IFI27L2: variants seen among roughly 807,000 people sequenced by gnomAD.
IFI27L2 encodes interferon alpha inducible protein 27 like 2, also known as interferon alpha-inducible protein 27-like protein 2.
A neutral mutation model predicts 7.9 loss-of-function variants in IFI27L2; 8 were observed. That is an observed-to-expected ratio of 1.02 (90% CI 0.60 to 1.84). The LOEUF is 1.84. Ranked by LOEUF, IFI27L2 falls within the 40% of genes most tolerant of loss-of-function variation. IFI27L2 has a pLI of 0.00. For missense variants in IFI27L2, 190 were observed against 165.8 expected (o/e 1.15, Z -0.80); for synonymous variants, 56 against 66.5 (o/e 0.84, Z 0.77).
intron 3 of IFI27L2, 69 bp downstream of exon 3, chr14:94,128,445 G>T: frequency 6.9e-7 from 1 of 1,451,908 alleles, no homozygotes. Context: ...GGTGAGAAGA[G>T]CTTCCCTCGG....
rs1887647413 is a variant in IFI27L2, at chr14:94,129,542, G to A, written c.7+16C>T. The A allele has an allele frequency of 6.2e-7, 1 of 1,613,194 alleles. No homozygotes were observed. ...CCCAGCCCAGCCCGCCAGCCCCCTG[G>A]GGAAGCAAGACTCACTCATCATGGT... On this transcript the variant is annotated intron_variant, in intron 1 of 3. Coordinates refer to ENST00000238609, the MANE Select transcript of IFI27L2 (RefSeq NM_032036.3).
chr14:94,128,701 A>G, intron 2 of IFI27L2, 26 bp from the exon 3 acceptor site: 1 of 1,593,440 alleles, frequency 6.3e-7, no homozygotes, highest in Non-Finnish European at 8.6e-7. Flanking sequence ...AGCTGAGTGC[A>G]GAGGTGGGCT....
intron 1 of IFI27L2, 48 bp downstream of exon 1, chr14:94,129,510 G>A (rs763498014): frequency 1.3e-6 from 2 of 1,582,666 alleles, no homozygotes; most frequent in Non-Finnish European, 8.7e-7. Flanking sequence ...GGTTGGGGAA[G>A]CCTGCCCCCA....
Position 94,127,799 on chromosome 14 carries a change from T to C in IFI27L2, c.393A>G (p.Ter131=), listed in dbSNP as rs1299373346. 6.2e-7 allele frequency: 1 copy of C among 1,612,440 alleles called. No homozygotes were observed. Among genetic ancestry groups the C allele is most frequent in the Non-Finnish European group, 8.5e-7 (1 of 1,178,548 alleles). The change falls in exon 4 of 4, where the codon TAA becomes TAG. Residue 131 remains the stop codon, a stop_retained_variant. Transcript: ENST00000238609. ...AGGGAGATGCATCTGCATGTGACCT[T>C]TATTCCTCATGTTTCTCTGACTTGA... ...PPLKSEKHEE[*] is the part of the protein sequence containing the mutation.
intron 2 of IFI27L2, 49 bp from the exon 3 acceptor site, chr14:94,128,724 C>G: frequency 6.7e-7 from 1 of 1,495,290 alleles, no homozygotes; most frequent in East Asian, 2.4e-5. Context: ...GGAGAAGGGA[C>G]CCTTCCCCCC....
At chr14:94,129,374 G>T in intron 1 of IFI27L2, 83 bp from the exon 2 acceptor site, 1 of 1,134,312 alleles carries the variant, frequency 8.8e-7, no homozygotes, top group South Asian at 1.3e-5. Context: ...GGGAGGGAGG[G>T]GGAGGGAAGC....
chr14:94,129,333 A>T (rs774867354), intron 1 of IFI27L2, 42 bp from the exon 2 acceptor site: 7 of 1,109,972 alleles, frequency 6.3e-6, no homozygotes, highest in South Asian at 2.4e-5. Flanking sequence ...GAGATGGGAA[A>T]GGGGAGAAAG....
chr14:94,129,554 T>C lies in IFI27L2; in HGVS notation c.7+4A>G. Reference sequence around the variant, plus strand: ...CGCCAGCCCCCTGGGGAAGCAAGACTCACTCATCATGGTGAGGCCGTCCGG... The same window carrying C: ...CGCCAGCCCCCTGGGGAAGCAAGACCCACTCATCATGGTGAGGCCGTCCGG... On this transcript the variant is annotated splice_donor_region_variant and intron_variant, in intron 1 of 3. Transcript: ENST00000238609. 1 of 1,613,326 alleles carries C rather than the reference T, an allele frequency of 6.2e-7. No individual in the cohort carries two copies. The highest frequency in any genetic ancestry group is 8.5e-7 in the Non-Finnish European group (1 of 1,179,596).
intron 1 of IFI27L2, 27 bp downstream of exon 1, chr14:94,129,531 C>T: frequency 6.2e-7 from 1 of 1,611,600 alleles, no homozygotes; most frequent in Non-Finnish European, 8.5e-7. Flanking sequence ...GCCCAGCCCG[C>T]CAGCCCCCTG....
At chr14:94,128,442 A>C in intron 3 of IFI27L2, 72 bp downstream of exon 3, 2 of 1,429,322 alleles carry the variant, frequency 1.4e-6, no homozygotes, top group Non-Finnish European at 2.0e-6. Context: ...CAGGGTGAGA[A>C]GAGCTTCCCT....
At chr14:94,129,168 G>T in intron 2 of IFI27L2, 94 bp downstream of exon 2, 1 of 984,926 alleles carries the variant, frequency 1.0e-6, no homozygotes, top group Non-Finnish European at 1.6e-6. Flanking sequence ...AGTGGAGGGT[G>T]AGAGCCAGCC....
chr14:94,129,215 G>A (rs1205006246), intron 2 of IFI27L2, 47 bp downstream of exon 2: 5 of 1,515,430 alleles, frequency 3.3e-6, no homozygotes, highest in Admixed American at 3.5e-5. Context: ...GCAGCCCGGG[G>A]ACCAGGCTAG....
intron 1 of IFI27L2, 113 bp downstream of exon 1, chr14:94,129,445 C>CA: frequency 8.5e-7 from 1 of 1,181,660 alleles, no homozygotes; most frequent in South Asian, 1.2e-5. Flanking sequence ...GTCAGTAGGT[C>CA]AGCTGGTTGA....
In IFI27L2 at chr14:94,127,912, G is replaced by A. The variant is rs764957361; in HGVS notation, c.280C>T (p.Pro94Ser). 6.2e-7 allele frequency: 1 copy of A among 1,613,568 alleles called. No individual in the cohort carries two copies. The highest frequency in any genetic ancestry group is 2.2e-5 in the East Asian group (1 of 44,862). ...SVLGACLGNS[P>S]SSSLPAEPEA... is the part of the protein sequence containing the mutation. Reference sequence around the variant, plus strand: ...GGTTCAGCTGGGAGAGAAGAAGAAGGTGAATTCCCCAAGCAGGCCCCCAAC... The same window carrying A: ...GGTTCAGCTGGGAGAGAAGAAGAAGATGAATTCCCCAAGCAGGCCCCCAAC... Residue 94 changes from proline to serine, a missense_variant, in exon 4 of 4, where the codon CCT becomes TCT. Transcript: ENST00000238609.
intron 3 of IFI27L2, chr14:94,128,298 G>T (rs1887621773): frequency 8.3e-6 from 5 of 602,044 alleles, no homozygotes; most frequent in East Asian, 8.3e-5. Context: ...CTTGGCCTAG[G>T]TTCCTTTCCT....
chr14:94,128,981 GCATAAA>G, intron 2 of IFI27L2: 1 of 564,558 alleles, frequency 1.8e-6, no homozygotes, highest in South Asian at 2.3e-5. Flanking sequence ...GTGTGTCCAC[GCATAAA>G]TGTGAAATAA....
intron 1 of IFI27L2, 25 bp from the exon 2 acceptor site, chr14:94,129,316 G>T (rs1887642814): frequency 1.9e-6 from 3 of 1,605,780 alleles, no homozygotes; most frequent in African/African-American, 2.7e-5. Flanking sequence ...CCAGGGGAAG[G>T]CAGAGGGAGA....
chr14:94,127,863 C>G lies in IFI27L2; in HGVS notation c.329G>C (p.Arg110Thr). The G allele has an allele frequency of 6.2e-7, 1 of 1,614,146 alleles. No individual in the cohort carries two copies. The highest frequency in any genetic ancestry group is 1.1e-5 in the South Asian group (1 of 91,074). Reference sequence around the variant, plus strand: ...AGGTTCACCTTGGGGTACATTTTCTCTTGCCTCATCTTCTTTAGCCTCGGG... The same window carrying G: ...AGGTTCACCTTGGGGTACATTTTCTGTTGCCTCATCTTCTTTAGCCTCGGG... The part of the protein sequence containing the change: ...AEPEAKEDEA[R>T]ENVPQGEPPK... Residue 110 changes from arginine (R) to threonine (T), a missense_variant, in exon 4 of 4, where the codon AGA becomes ACA. By Grantham distance (71) the Arg-to-Thr change is moderately conservative. Transcript: ENST00000238609.
At chr14:94,128,745 T>A (rs1470922524) in intron 2 of IFI27L2, 70 bp from the exon 3 acceptor site, 2 of 1,326,416 alleles carry the variant, frequency 1.5e-6, no homozygotes, top group Non-Finnish European at 2.1e-6. Context: ...GCCCCCCGCT[T>A]AGGAATTCCT....
Sources: gnomAD v4.1 joint callset for allele counts on GRCh38, gnomAD v4.1.1 for gene constraint, MANE v1.5 for transcripts, NCBI Gene and HGNC (gene_info 2026-07-23, HGNC 2026-07-21) for gene names.